Variants in KANK1 observed in about 807,000 individuals in gnomAD.
The protein encoded by KANK1 is KN motif and ankyrin repeat domains 1.
In KANK1, 109 loss-of-function variants were observed where a neutral mutation model predicts 106.2. The observed-to-expected ratio is 1.03, with a 90% CI of 0.88 to 1.20. KANK1 has a LOEUF of 1.20. Ranked by LOEUF, KANK1 falls within the 50% of genes most tolerant of loss-of-function variation. KANK1 has a pLI of 0.00. For synonymous variants in KANK1, 873 were observed against 652.2 expected (o/e 1.34, Z -5.16); for missense variants, 2,399 against 1,710.7 (o/e 1.40, Z -7.10).
At chr9:678,701 G>C (rs925059318) in intron 2 of KANK1, among the ~76,000 whole-genome samples, 4 of 152,294 alleles carry the variant, frequency 2.6e-5, no homozygotes, top group Non-Finnish European at 5.9e-5. Flanking sequence ...CCTCCAGCCT[G>C]AGTGACAGAG....
intron 3 of KANK1, among the ~76,000 whole-genome samples, chr9:724,017 T>G (rs1393562265): frequency 6.6e-6 from 1 of 151,328 alleles, no homozygotes; most frequent in African/African-American, 2.4e-5. Flanking sequence ...GTGGGAGGAT[T>G]GATTAAGCCT....
chr9:546,842 C>T (rs2060963241), intron 1 of KANK1, among the ~76,000 whole-genome samples: 1 of 152,068 alleles, frequency 6.6e-6, no homozygotes, highest in African/African-American at 2.4e-5. Flanking sequence ...GTTGATAAGG[C>T]TCTAATGCAT....
At chr9:698,228 T>A (rs1299678904) in intron 2 of KANK1, among the ~76,000 whole-genome samples, 5 of 152,186 alleles carry the variant, frequency 3.3e-5, no homozygotes, top group African/African-American at 1.2e-4. Context: ...CGGTGTTGTC[T>A]TAGCCTCACA....
At chr9:741,519 A>C (rs1370405172) in intron 9 of KANK1, among the ~76,000 whole-genome samples, 1 of 131,874 alleles carries the variant, frequency 7.6e-6, no homozygotes, top group African/African-American at 2.8e-5. Flanking sequence ...ACTAAGTCTC[A>C]TTCTGTCACC....
intron 1 of KANK1, among the ~76,000 whole-genome samples, chr9:653,628 G>A (rs1841412462): frequency 1.3e-5 from 2 of 152,112 alleles, no homozygotes; most frequent in African/African-American, 4.8e-5. Context: ...GGTTTCAAGA[G>A]CCCTGTAAAG....
At chr9:581,748 A>G (rs531799083) in intron 1 of KANK1, among the ~76,000 whole-genome samples, 14 of 152,242 alleles carry the variant, frequency 9.2e-5, no homozygotes, top group Non-Finnish European at 1.8e-4. Context: ...TACTAATGTC[A>G]TGATGTCAGG....
intron 1 of KANK1, among the ~76,000 whole-genome samples, chr9:517,419 C>T: frequency 6.6e-6 from 1 of 151,452 alleles, no homozygotes; most frequent in South Asian, 2.1e-4. Context: ...TGTGTTTTGT[C>T]GGGACGGTTT....
At chr9:680,527 A>G (rs959349854) in intron 2 of KANK1, among the ~76,000 whole-genome samples, 3 of 152,178 alleles carry the variant, frequency 2.0e-5, no homozygotes, top group Admixed American at 1.3e-4. Flanking sequence ...TGTACACACT[A>G]CTTAGCTTAA....
intron 3 of KANK1, among the ~76,000 whole-genome samples, chr9:481,125 C>G (rs974002721): frequency 1.3e-5 from 2 of 152,176 alleles, no homozygotes; most frequent in African/African-American, 2.4e-5. Flanking sequence ...TAGAATATCT[C>G]ATGTAATTTA....
chr9:595,226 CAACA>C (rs1217884044), intron 1 of KANK1, among the ~76,000 whole-genome samples: 112 of 151,874 alleles, frequency 7.4e-4, no homozygotes, highest in Non-Finnish European at 1.2e-3. Context: ...CCAGTTGGGG[CAACA>C]TGGTGAGACC....
At chr9:520,610 A>G (rs931347173) in intron 1 of KANK1, among the ~76,000 whole-genome samples, 4 of 151,846 alleles carry the variant, frequency 2.6e-5, no homozygotes, top group Non-Finnish European at 4.4e-5. Context: ...ATTTAACTCA[A>G]AAAATTTAAT....
intron 1 of KANK1, among the ~76,000 whole-genome samples, chr9:639,259 C>T (rs1837841168): frequency 6.6e-6 from 1 of 152,126 alleles, no homozygotes; most frequent in Non-Finnish European, 1.5e-5. Flanking sequence ...TGGCAGTAAT[C>T]AGTGTGGCAA....
chr9:529,811 C>A (rs2059977534), intron 1 of KANK1, among the ~76,000 whole-genome samples: 1 of 152,154 alleles, frequency 6.6e-6, no homozygotes, highest in Admixed American at 6.5e-5. Flanking sequence ...ATGGAATTAC[C>A]AGGTGAATGC....
At chr9:636,773 A>G (rs1198698855) in intron 1 of KANK1, among the ~76,000 whole-genome samples, 2 of 152,298 alleles carry the variant, frequency 1.3e-5, no homozygotes, top group East Asian at 3.9e-4. Context: ...AGGCTGAGGC[A>G]GGAGAATCGC....
chr9:595,387 A>C lies in KANK1; in HGVS notation c.-83-81503A>C, dbSNP rs1354002956. Among the ~76,000 whole-genome samples the C allele has an allele frequency of 1.3e-5, 2 of 151,946 alleles. 1 individual carries two copies. Among genetic ancestry groups the C allele is most frequent in the African/African-American group, 4.9e-5 (2 of 41,184 alleles). On this transcript the variant is annotated intron_variant, in intron 1 of 11. Transcript: ENST00000382297. ...TGAAAGCACTCTGAAGGGGAGACCT[A>C]ATGCCATTGCAGGAGCACTTCAGCT...
chr9:567,409 G>C (rs888065556), intron 1 of KANK1, among the ~76,000 whole-genome samples: 2 of 152,184 alleles, frequency 1.3e-5, no homozygotes, highest in Non-Finnish European at 2.9e-5. Flanking sequence ...GTTTTGGAAA[G>C]TGCTATTCTC....
intron 1 of KANK1, 48 bp from the exon 2 acceptor site, chr9:676,842 A>C: frequency 1.4e-6 from 1 of 703,340 alleles, no homozygotes; most frequent in Non-Finnish European, 2.5e-6. Context: ...TTTAGTTTGT[A>C]CATTTTTTAA....
chr9:616,695 A>AT (rs1200306610), intron 1 of KANK1, among the ~76,000 whole-genome samples: 2 of 151,736 alleles, frequency 1.3e-5, no homozygotes, highest in Admixed American at 6.6e-5. Context: ...ACACACACTG[A>AT]TTTTTTTACT....
chr9:732,474 AGAG>A lies in KANK1; in HGVS notation c.3117_3119del (p.Glu1039del), dbSNP rs113586916. On this transcript the variant is annotated inframe_deletion, in exon 6 of 12. Transcript: ENST00000382297. Reference sequence around the variant, plus strand: ...ATGTCATTGAGTATCCTCTTGAAGAAGAGGAGGAGGAGGAGGATGAAGACACTC... The same window carrying A: ...ATGTCATTGAGTATCCTCTTGAAGAAGAGGAGGAGGAGGATGAAGACACTC... 1.4e-4 allele frequency: 226 copies of A among 1,607,920 alleles called. 1 individual carries two copies. In the East Asian group the frequency reaches 3.2e-3, roughly 23 times the overall value.
Sources: allele counts gnomAD v4.1 joint callset (sites outside exome capture counted in the v4.1 genomes callset), GRCh38; gene constraint gnomAD v4.1.1; transcripts MANE v1.5; gene names NCBI Gene and HGNC (gene_info 2026-07-23, HGNC 2026-07-21).